GPR39: variants seen among roughly 807,000 people sequenced by gnomAD.
GPR39 encodes the protein zinc sensing receptor.
In GPR39, 23 loss-of-function variants were observed where a neutral mutation model predicts 18.4. The ratio of observed to expected loss-of-function variants is 1.25; its 90% CI spans 0.90 to 1.77. The LOEUF (loss-of-function observed/expected upper bound fraction) is 1.77, where lower values mean the gene tolerates loss of function less well. Among genes scored for constraint, GPR39 ranks in the 40% most tolerant of loss-of-function variants. GPR39 has a pLI of 0.00. For missense variants in GPR39, 647 were observed against 602.4 expected (o/e 1.07, Z -0.78); for synonymous variants, 280 against 257.9 (o/e 1.09, Z -0.82).
At chr2:132,431,898 A>G (rs1242729777) in intron 1 of GPR39, among the ~76,000 whole-genome samples, 1 of 152,236 alleles carries the variant, frequency 6.6e-6, no homozygotes, top group Admixed American at 6.5e-5. Context: ...GGAGGCCAGA[A>G]GTCCAAAATA....
In GPR39 at chr2:132,550,173, G is replaced by A. The variant is rs1227874272; in HGVS notation, c.857-94928G>A. Among the ~76,000 whole-genome samples the A allele has an allele frequency of 4.6e-5, 7 of 152,186 alleles. No individual in the cohort carries two copies. In the East Asian group the frequency reaches 1.2e-3, roughly 25 times the overall value. On this transcript the variant is annotated intron_variant, in intron 1 of 1. Transcript: ENST00000329321. ...CATAACAGAGTTAAGTACTGAGAGAGCCATCTATTGTAGATAGTTTAGCTT... is the reference window on the plus strand; with the variant it reads ...CATAACAGAGTTAAGTACTGAGAGAACCATCTATTGTAGATAGTTTAGCTT...
At chr2:132,427,267 C>CAAG (rs1680142803) in intron 1 of GPR39, among the ~76,000 whole-genome samples, 1 of 147,782 alleles carries the variant, frequency 6.8e-6, no homozygotes, top group Non-Finnish European at 1.5e-5. Flanking sequence ...CAGGTTCATG[C>CAAG]CATACTCCTG....
At chr2:132,616,204 C>T (rs1471004097) in intron 1 of GPR39, among the ~76,000 whole-genome samples, 2 of 152,088 alleles carry the variant, frequency 1.3e-5, no homozygotes, top group Admixed American at 6.5e-5. Context: ...ATCTGACAAA[C>T]CTGTGAGGTT....
At chr2:132,439,554 G>A (rs1487485661) in intron 1 of GPR39, among the ~76,000 whole-genome samples, 1 of 152,166 alleles carries the variant, frequency 6.6e-6, no homozygotes, top group Non-Finnish European at 1.5e-5. Flanking sequence ...CACTCAGAAA[G>A]AAAACAGAGA....
chr2:132,493,507 T>TATATATATATACACC (rs1681563663), intron 1 of GPR39, among the ~76,000 whole-genome samples: 1 of 7,406 alleles, frequency 1.4e-4, no homozygotes, highest in African/African-American at 1.5e-4. Context: ...ATATACACCA[T>TATATATATATACACC]ATATATATAT....
chr2:132,585,948 GTTTT>G (rs397985921), intron 1 of GPR39, among the ~76,000 whole-genome samples: 14 of 62,954 alleles, frequency 2.2e-4, no homozygotes, highest in Admixed American at 2.7e-4. Flanking sequence ...AGCATCCCCG[GTTTT>G]TTTTTTTTTT....
intron 1 of GPR39, among the ~76,000 whole-genome samples, chr2:132,620,084 G>A (rs749355198): frequency 2.0e-5 from 3 of 152,184 alleles, no homozygotes; most frequent in Admixed American, 6.5e-5. Flanking sequence ...AAGTCCCCAT[G>A]CCTCAGTCAG....
intron 1 of GPR39, among the ~76,000 whole-genome samples, chr2:132,640,527 T>A (rs1478330235): frequency 6.6e-6 from 1 of 152,264 alleles, no homozygotes; most frequent in Non-Finnish European, 1.5e-5. Flanking sequence ...ACAGTTTACC[T>A]GCTTTACATG....
At chr2:132,476,586 A>C (rs1341778366) in intron 1 of GPR39, among the ~76,000 whole-genome samples, 1 of 135,036 alleles carries the variant, frequency 7.4e-6, no homozygotes, top group Non-Finnish European at 1.5e-5. Context: ...CAGTGAGCCG[A>C]GATCATGCCA....
At chr2:132,602,720 G>A (rs1194950725) in intron 1 of GPR39, among the ~76,000 whole-genome samples, 5 of 151,382 alleles carry the variant, frequency 3.3e-5, no homozygotes, top group African/African-American at 9.7e-5. Context: ...TGTAAAATGG[G>A]CAAATGATTT....
intron 1 of GPR39, among the ~76,000 whole-genome samples, chr2:132,541,281 G>A (rs1278320198): frequency 2.0e-5 from 3 of 151,868 alleles, no homozygotes; most frequent in East Asian, 3.9e-4. Context: ...ACAGGATTTC[G>A]CCATGTTAGC....
chr2:132,436,765 G>A lies in GPR39; in HGVS notation c.856+18867G>A, dbSNP rs539240030. ...CAGAAGAGGCTGGTGCTGGCTTGGT[G>A]CTTCTGCTCGGTCCATCTCTCTCTG... On this transcript the variant is annotated intron_variant, in intron 1 of 1. Coordinates refer to ENST00000329321, the MANE Select transcript of GPR39 (RefSeq NM_001508.3). Among the ~76,000 whole-genome samples the A allele has an allele frequency of 2.3e-4, 35 of 152,264 alleles. 1 individual carries two copies. Among genetic ancestry groups the A allele is most frequent in the Admixed American group, 1.1e-3 (17 of 15,290 alleles).
chr2:132,462,836 AAAT>A (rs1680858806), intron 1 of GPR39, among the ~76,000 whole-genome samples: 1 of 152,232 alleles, frequency 6.6e-6, no homozygotes, highest in Admixed American at 6.5e-5. Context: ...TGTGAGAACT[AAAT>A]AATACAGATA....
chr2:132,417,893 T>A lies in GPR39; in HGVS notation c.851T>A (p.Phe284Tyr). 1 of 1,583,330 alleles carries A rather than the reference T, an allele frequency of 6.3e-7. No individual in the cohort carries two copies. Among genetic ancestry groups the A allele is most frequent in the Non-Finnish European group, 8.6e-7 (1 of 1,167,070 alleles). The change falls in exon 1 of 2, where the codon TTC (phenylalanine) becomes TAC (tyrosine). Residue 284 changes from phenylalanine to tyrosine, a missense_variant. Physicochemically the swap from Phe to Tyr is conservative, Grantham distance 22. Coordinates refer to ENST00000329321, the MANE Select transcript of GPR39 (RefSeq NM_001508.3). ...SRTARRQTII[F>Y]LRLIVVTLAV... The stretch of plus-strand genomic sequence containing the variant: ...ACCGCCAGGAGGCAGACCATCATCT[T>A]CCTGAGTGAGTCCTAAGTCGGGGGC...
intron 1 of GPR39, among the ~76,000 whole-genome samples, chr2:132,557,842 C>G (rs1046638371): frequency 2.0e-5 from 3 of 152,162 alleles, no homozygotes; most frequent in Non-Finnish European, 4.4e-5. Context: ...CCGCGTTTCT[C>G]GTGACCTCCC....
At chr2:132,514,629 C>T (rs1419346117) in intron 1 of GPR39, among the ~76,000 whole-genome samples, 1 of 152,188 alleles carries the variant, frequency 6.6e-6, no homozygotes, top group Non-Finnish European at 1.5e-5. Flanking sequence ...TGTGCCTCTG[C>T]CCTGCAACAG....
chr2:132,535,001 A>G (rs901442426), intron 1 of GPR39, among the ~76,000 whole-genome samples: 7 of 151,670 alleles, frequency 4.6e-5, no homozygotes, highest in African/African-American at 1.5e-4. Flanking sequence ...ATAATTAAAA[A>G]AAAAACATGT....
chr2:132,487,111 G>A (rs1348412620), intron 1 of GPR39, among the ~76,000 whole-genome samples: 2 of 152,152 alleles, frequency 1.3e-5, no homozygotes, highest in African/African-American at 4.8e-5. Context: ...GGAATGGCCG[G>A]TCAGTGGAGG....
At chr2:132,552,875 CATATATATATACACACAT>C (rs1558836927) in intron 1 of GPR39, among the ~76,000 whole-genome samples, 7 of 100,810 alleles carry the variant, frequency 6.9e-5, no homozygotes, top group African/African-American at 3.2e-4. Flanking sequence ...TATATATACA[CATATATATATACACACAT>C]ATATATATAC....
Sources: gnomAD v4.1 joint callset for allele counts (sites outside exome capture counted in the v4.1 genomes callset) on GRCh38, gnomAD v4.1.1 for gene constraint, MANE v1.5 for transcripts, NCBI Gene and HGNC (gene_info 2026-07-23, HGNC 2026-07-21) for gene names.